The following PRMT1 variants were observed in gnomAD, a reference collection of about 807,000 sequenced individuals.
The protein encoded by PRMT1 is protein arginine N-methyltransferase 1.
Under a neutral mutation model 47.4 loss-of-function variants are expected in PRMT1, and 5 were observed. The ratio of observed to expected loss-of-function variants is 0.11; its 90% CI spans 0.06 to 0.22. The LOEUF (loss-of-function observed/expected upper bound fraction) is 0.22, where lower values mean the gene tolerates loss of function less well. Ranked by LOEUF, PRMT1 falls within the 10% of genes least tolerant of loss-of-function variation. The pLI is 1.00. For missense variants in PRMT1, 249 were observed against 518.4 expected (o/e 0.48, Z 5.05); for synonymous variants, 227 against 204.6 (o/e 1.11, Z -0.94).
In PRMT1 at chr19:49,688,349, G is replaced by A; in HGVS notation, c.*104G>A. 9.0e-7 allele frequency: 1 copy of A among 1,111,476 alleles called. No individual in the cohort carries two copies. Among genetic ancestry groups the A allele is most frequent in the Non-Finnish European group, 1.4e-6 (1 of 739,678 alleles). The allele number at this position is 1,111,476 out of a possible 1,614,324, so 68.9% of individuals were successfully genotyped here. A position where few individuals can be genotyped will look rare whatever the true frequency, so the allele number is the denominator to read the frequency against. On this transcript the variant is annotated 3_prime_UTR_variant, in exon 11 of 11. Coordinates refer to ENST00000454376, the MANE Select transcript of PRMT1 (RefSeq NM_001536.6). The surrounding 1 kb of genome is among the most constrained non-coding windows in gnomAD (Gnocchi z 5.3). ...CCCTCCCGCAGAAGGGGGTTTTAGG[G>A]GCCTGGGCTGGGGGGATGGGGAGGG...
At position 49,686,082 on chromosome 19, in the gene PRMT1, A is replaced by T; in HGVS notation, c.760-11A>T. The T allele has an allele frequency of 6.2e-7, 1 of 1,611,832 alleles. No homozygotes were observed. ...GACGCATCCCGGAGCTCGCCCTCTCATGTCCTGCAGGAGGTGGACATCTAT... is the reference window on the plus strand; with the variant it reads ...GACGCATCCCGGAGCTCGCCCTCTCTTGTCCTGCAGGAGGTGGACATCTAT... On this transcript the variant is annotated splice_polypyrimidine_tract_variant and intron_variant, in intron 8 of 10. Transcript: ENST00000454376.
intron 5 of PRMT1, among the ~76,000 whole-genome samples, chr19:49,683,018 C>T (rs2122975720): frequency 6.6e-6 from 1 of 151,880 alleles, no homozygotes; most frequent in East Asian, 1.9e-4. Context: ...GATCTCCTGA[C>T]CTCGTGATCT....
chr19:49,681,981 G>A lies in PRMT1; in HGVS notation c.264G>A (p.Lys88=). The A allele has an allele frequency of 6.2e-7, 1 of 1,614,204 alleles. No homozygotes were observed. The highest frequency in any genetic ancestry group is 8.5e-7 in the Non-Finnish European group (1 of 1,180,040). Residue 88 remains lysine, a synonymous_variant, in exon 4 of 11, where the codon AAG becomes AAA. Coordinates refer to ENST00000454376, the MANE Select transcript of PRMT1 (RefSeq NM_001536.6). This position sits in a 1 kb window ranked among gnomAD's most constrained non-coding sequence, Gnocchi z 4.4. ...NSMFHNRHLF[K]DKVVLDVGSG... is the part of the protein sequence containing the mutation. Reference sequence around the variant, plus strand: ...TGTTTCATAACCGGCACCTCTTCAAGGACAAGGTGGTGCTGGACGTCGGCT... The same window carrying A: ...TGTTTCATAACCGGCACCTCTTCAAAGACAAGGTGGTGCTGGACGTCGGCT...
At chr19:49,687,196 C>T (rs1175276059) in intron 10 of PRMT1, among the ~76,000 whole-genome samples, 1 of 152,040 alleles carries the variant, frequency 6.6e-6, no homozygotes, top group Non-Finnish European at 1.5e-5. Flanking sequence ...TTTCTGCTCC[C>T]CTTTCTTTTT....
rs376865286 is a variant in PRMT1 at position 49,686,699 on chromosome 19, C to G, written c.1005C>G (p.Ile335Met). The G allele has an allele frequency of 1.2e-6, 2 of 1,607,790 alleles. No homozygotes were observed. Among genetic ancestry groups the G allele is most frequent in the South Asian group, 2.2e-5 (2 of 90,966 alleles). The change falls in exon 10 of 11, where the codon ATC becomes ATG. Residue 335 changes from isoleucine (I) to methionine (M), a missense_variant. Coordinates refer to ENST00000454376, the MANE Select transcript of PRMT1 (RefSeq NM_001536.6). ...CGGGCGAGGAGATCTTCGGCACCAT[C>G]GGCATGCGGCCCAACGCCAAGAACA... ...VKTGEEIFGTIGMRPNAKNNR... is the reference protein window; with the variant it reads ...VKTGEEIFGTMGMRPNAKNNR...
upstream of PRMT1, chr19:49,677,206 G>A (rs1473107987): frequency 1.3e-5 from 18 of 1,356,090 alleles, no homozygotes; most frequent in Middle Eastern, 2.0e-4. Context: ...GGACCCTCTG[G>A]TATAAGGCGG....
chr19:49,687,715 A>C (rs2082230735), intron 10 of PRMT1: 1 of 207,422 alleles, frequency 4.8e-6, no homozygotes, highest in East Asian at 1.1e-4. Context: ...AGGGAGGAGG[A>C]GTCCTCGGGC....
At position 49,683,923 on chromosome 19, in the gene PRMT1, G is replaced by A. The variant is rs376917326; in HGVS notation, c.413-4G>A. ...CTGACGTGGCCACCCTTGTCCGCCC[G>A]CAGTGGTGACCATCATCAAGGGGAA... On this transcript the variant is annotated splice_region_variant and splice_polypyrimidine_tract_variant and intron_variant, in intron 5 of 10. Coordinates refer to ENST00000454376, the MANE Select transcript of PRMT1 (RefSeq NM_001536.6). 2.4e-5 allele frequency: 39 copies of A among 1,612,244 alleles called. No individual in the cohort carries two copies. Among genetic ancestry groups the A allele is most frequent in the Admixed American group, 5.0e-5 (3 of 59,752 alleles).
upstream of PRMT1, among the ~76,000 whole-genome samples, chr19:49,676,717 A>G (rs562048957): frequency 2.0e-5 from 3 of 152,212 alleles, no homozygotes; most frequent in Middle Eastern, 3.4e-3. Flanking sequence ...ACGAGGAGTG[A>G]TAATTCCTTT....
Position 49,685,878 on chromosome 19 carries a change from G to A in PRMT1, c.760-215G>A. On this transcript the variant is annotated intron_variant, in intron 8 of 10. Coordinates refer to ENST00000454376, the MANE Select transcript of PRMT1 (RefSeq NM_001536.6). The surrounding 1 kb of genome is among the most constrained non-coding windows in gnomAD (Gnocchi z 4.7). ...TGCCAGGTTTGGGTGTTGGAGAGGA[G>A]GGAGCAAGGAATCTGGGCTCGAACC... is the stretch of plus-strand genomic sequence containing the variant. 1 of 1,397,442 alleles carries A rather than the reference G, an allele frequency of 7.2e-7. No individual in the cohort carries two copies. Among genetic ancestry groups the A allele is most frequent in the East Asian group, 2.7e-5 (1 of 37,148 alleles). The allele number at this position is 1,397,442 out of a possible 1,614,324, so 86.6% of individuals were successfully genotyped here. A position where few individuals can be genotyped will look rare whatever the true frequency, so the allele number is the denominator to read the frequency against.
Position 49,680,135 on chromosome 19 carries a change from C to T in PRMT1, c.90+210C>T. ...CGCCGCTACTTCCTTAACTCCACCT[C>T]CAACCCCCCTTTGCCCTTCCCTGTG... On this transcript the variant is annotated intron_variant, in intron 2 of 10. Coordinates refer to ENST00000454376, the MANE Select transcript of PRMT1 (RefSeq NM_001536.6). The surrounding 1 kb of genome is among the most constrained non-coding windows in gnomAD (Gnocchi z 4.2). 1 of 1,314,170 alleles carries T rather than the reference C, an allele frequency of 7.6e-7. No homozygotes were observed. The highest frequency in any genetic ancestry group is 1.1e-6 in the Non-Finnish European group (1 of 929,680). The allele number at this position is 1,314,170 out of a possible 1,614,324, so 81.4% of individuals were successfully genotyped here.
chr19:49,678,882 CTTTT>C (rs777584653), intron 1 of PRMT1, among the ~76,000 whole-genome samples: 1 of 132,752 alleles, frequency 7.5e-6, no homozygotes, highest in Admixed American at 7.6e-5. Flanking sequence ...CCCCAAGCCA[CTTTT>C]TTTTTTTTTT....
At chr19:49,682,118 C>T (rs2082127669) in intron 4 of PRMT1, 53 bp downstream of exon 4, 1 of 1,613,470 alleles carries the variant, frequency 6.2e-7, no homozygotes, top group Admixed American at 1.7e-5. Context: ...GGAGGGGAGC[C>T]CATCAGGGCT....
Position 49,686,660 on chromosome 19 carries a change from C to T in PRMT1, c.966C>T (p.Tyr322=), listed in dbSNP as rs2082209924. Residue 322 remains tyrosine (Y), a synonymous_variant, in exon 10 of 11, where the codon TAC becomes TAT. Coordinates refer to ENST00000454376, the MANE Select transcript of PRMT1 (RefSeq NM_001536.6). ...WKQTVFYMED[Y]LTVKTGEEIF... ...AGACGGTGTTCTACATGGAGGACTA[C>T]CTGACCGTGAAGACGGGCGAGGAGA... 1.9e-6 allele frequency: 3 copies of T among 1,612,600 alleles called. No homozygotes were observed. The highest frequency in any genetic ancestry group is 3.7e-4 in the Middle Eastern group (2 of 5,426).
chr19:49,686,484 G>A (rs895908559), intron 9 of PRMT1, 121 bp from the exon 10 acceptor site: 1 of 1,249,782 alleles, frequency 8.0e-7, no homozygotes, highest in African/African-American at 1.5e-5. Context: ...TGACAGGGAG[G>A]TGACTCGCGG....
In PRMT1 at chr19:49,684,018, C is replaced by G. The variant is rs1435043386; in HGVS notation, c.504C>G (p.Leu168=). The G allele has an allele frequency of 6.2e-7, 1 of 1,614,232 alleles. No homozygotes were observed. The highest frequency in any genetic ancestry group is 2.2e-5 in the East Asian group (1 of 44,886). The change falls in exon 6 of 11, where the codon CTC becomes CTG. Residue 168 remains leucine, a synonymous_variant. Coordinates refer to ENST00000454376, the MANE Select transcript of PRMT1 (RefSeq NM_001536.6). The surrounding 1 kb of genome is among the most constrained non-coding windows in gnomAD (Gnocchi z 6.2). ...TCAGCGAGTGGATGGGCTACTGCCT[C>G]TTCTACGAGTCCATGCTCAACACCG... The part of the protein sequence containing the change: ...IIISEWMGYC[L]FYESMLNTVL...
In PRMT1 at chr19:49,681,892, G is replaced by T; in HGVS notation, c.193-18G>T. 6.2e-7 allele frequency: 1 copy of T among 1,608,594 alleles called. No individual in the cohort carries two copies. Among genetic ancestry groups the T allele is most frequent in the Non-Finnish European group, 8.5e-7 (1 of 1,175,914 alleles). On this transcript the variant is annotated intron_variant, in intron 3 of 10. Transcript: ENST00000454376. This position sits in a 1 kb window ranked among gnomAD's most constrained non-coding sequence, Gnocchi z 4.4. ...ATATGGGGCCCCTCACGGCGTCTCT[G>T]TGCCATTCTTGCCCTAGGAGATGCT...
chr19:49,679,479 T>G (rs2082083271), intron 1 of PRMT1: 1 of 500,296 alleles, frequency 2.0e-6, no homozygotes, highest in South Asian at 1.5e-5. Flanking sequence ...CATGGCACCC[T>G]AGGATAGGGG....
Position 49,685,592 on chromosome 19 carries a change from G to A in PRMT1, c.760-501G>A, listed in dbSNP as rs1200059737. 9.8e-7 allele frequency: 1 copy of A among 1,019,276 alleles called. No homozygotes were observed. Among genetic ancestry groups the A allele is most frequent in the African/African-American group, 1.7e-5 (1 of 57,718 alleles). The allele number at this position is 1,019,276 out of a possible 1,614,324, so 63.1% of individuals were successfully genotyped here. A position where few individuals can be genotyped will look rare whatever the true frequency, so the allele number is the denominator to read the frequency against. On this transcript the variant is annotated intron_variant, in intron 8 of 10. Transcript: ENST00000454376. This position sits in a 1 kb window ranked among gnomAD's most constrained non-coding sequence, Gnocchi z 4.7. Reference sequence around the variant, plus strand: ...GAGTATTTGTTGAGCTGGGATGTGTGAGCCGGGTGAAGCTGGGTGGCTGAC... The same window carrying A: ...GAGTATTTGTTGAGCTGGGATGTGTAAGCCGGGTGAAGCTGGGTGGCTGAC...
Sources: allele counts gnomAD v4.1 joint callset (sites outside exome capture counted in the v4.1 genomes callset), GRCh38; gene constraint gnomAD v4.1.1; non-coding constraint Gnocchi (gnomAD v3.1); transcripts MANE v1.5; gene names NCBI Gene and HGNC (gene_info 2026-07-23, HGNC 2026-07-21).